Variants in MGAT5 observed in about 807,000 individuals in gnomAD.
MGAT5 encodes the protein alpha-1,6-mannosylglycoprotein 6-beta-N-acetylglucosaminyltransferase.
In MGAT5, 30 loss-of-function variants were observed where a neutral mutation model predicts 94.3. The ratio of observed to expected loss-of-function variants is 0.32; its 90% CI spans 0.24 to 0.43. The LOEUF is 0.43. Ranked by LOEUF, MGAT5 falls within the 20% of genes least tolerant of loss-of-function variation. MGAT5 has a pLI of 1.00. For synonymous variants in MGAT5, 310 were observed against 322.9 expected, an observed-to-expected ratio of 0.96 and a Z score of 0.43; for missense variants, 691 against 905.5, an observed-to-expected ratio of 0.76 and a Z score of 3.04.
intron 12 of MGAT5, among the ~76,000 whole-genome samples, chr2:134,420,073 C>T (rs1159719587): frequency 3.3e-5 from 5 of 152,226 alleles, no homozygotes; most frequent in African/African-American, 1.2e-4. Flanking sequence ...TAAAGACATC[C>T]TTTAAAATTG....
intron 1 of MGAT5, among the ~76,000 whole-genome samples, chr2:134,169,265 C>T (rs567365356): frequency 4.6e-5 from 7 of 152,142 alleles, no homozygotes; most frequent in South Asian, 2.1e-4. Flanking sequence ...CAAGGCCGGG[C>T]GCAGTGGCTT....
chr2:134,285,835 G>A (rs1031193485), intron 2 of MGAT5, among the ~76,000 whole-genome samples: 4 of 152,026 alleles, frequency 2.6e-5, no homozygotes, highest in South Asian at 2.1e-4. Context: ...CAACCCCTCC[G>A]CTACATGGCT....
chr2:134,411,193 G>A (rs1056860953), intron 11 of MGAT5, among the ~76,000 whole-genome samples: 7 of 152,270 alleles, frequency 4.6e-5, no homozygotes, highest in East Asian at 1.9e-4. Flanking sequence ...TGACAATCTC[G>A]TTTCTGTTAG....
intron 4 of MGAT5, among the ~76,000 whole-genome samples, chr2:134,334,456 G>C (rs941078656): frequency 1.9e-4 from 24 of 127,890 alleles, no homozygotes; most frequent in Admixed American, 8.6e-5. Context: ...TATTTACTTG[G>C]TGTAAGGTGT....
At chr2:134,348,298 T>C (rs138373884) in intron 8 of MGAT5, among the ~76,000 whole-genome samples, 133 of 152,300 alleles carry the variant, frequency 8.7e-4, no homozygotes, top group African/African-American at 3.1e-3. Flanking sequence ...ATATCTTTGA[T>C]GATACTGTGA....
At chr2:134,404,485 T>C (rs1683227841) in intron 11 of MGAT5, among the ~76,000 whole-genome samples, 1 of 152,232 alleles carries the variant, frequency 6.6e-6, no homozygotes, top group Non-Finnish European at 1.5e-5. Flanking sequence ...CACAGTAAAC[T>C]GGGGTCAAGT....
At chr2:134,320,907 C>T (rs184460257) in intron 4 of MGAT5, among the ~76,000 whole-genome samples, 15 of 152,194 alleles carry the variant, frequency 9.9e-5, no homozygotes, top group Non-Finnish European at 1.9e-4. Flanking sequence ...GGGTTCCAAC[C>T]GGGCTCCATG....
intron 1 of MGAT5, among the ~76,000 whole-genome samples, chr2:134,180,531 T>C (rs947971429): frequency 6.6e-6 from 1 of 152,174 alleles, no homozygotes; most frequent in Non-Finnish European, 1.5e-5. Context: ...AAATAAAAAC[T>C]GAGGTCTTGG....
At chr2:134,252,093 CCA>C, upstream of MGAT5, among the ~76,000 whole-genome samples, 1 of 152,236 alleles carries the variant, frequency 6.6e-6, no homozygotes, top group Admixed American at 6.5e-5. Context: ...GAATAGTATT[CCA>C]TTGTCAGAGA....
At chr2:134,363,194 T>C (rs1680211843) in intron 10 of MGAT5, among the ~76,000 whole-genome samples, 1 of 152,234 alleles carries the variant, frequency 6.6e-6, no homozygotes, top group Non-Finnish European at 1.5e-5. Context: ...TCTTCCTAAA[T>C]GTAAGAATTC....
chr2:134,145,532 C>T (rs966744077), intron 1 of MGAT5, among the ~76,000 whole-genome samples: 7 of 152,100 alleles, frequency 4.6e-5, no homozygotes, highest in African/African-American at 1.2e-4. Flanking sequence ...GGCGACAGAG[C>T]GAGACTCCGT....
intron 2 of MGAT5, among the ~76,000 whole-genome samples, chr2:134,290,935 G>T (rs184639539): frequency 6.6e-6 from 1 of 152,156 alleles, no homozygotes; most frequent in African/African-American, 2.4e-5. Flanking sequence ...TGCTTATTGC[G>T]TGTCTTCTAG....
In MGAT5 at chr2:134,329,875, A is replaced by G. The variant is rs368332399; in HGVS notation, c.574-6342A>G. On this transcript the variant is annotated intron_variant, in intron 4 of 15. Coordinates refer to ENST00000281923, the MANE Select transcript of MGAT5 (RefSeq NM_002410.5). Reference sequence around the variant, plus strand: ...GCAGAGAACTAGCCTAGAAAGCTGAACCACTTACCACTTACATGAGTAGAC... The same window carrying G: ...GCAGAGAACTAGCCTAGAAAGCTGAGCCACTTACCACTTACATGAGTAGAC... Among the ~76,000 whole-genome samples the G allele has an allele frequency of 1.2e-4, 19 of 152,268 alleles. No individual in the cohort carries two copies. The East Asian group carries it at 1.7e-3, about 14-fold the overall frequency.
intron 13 of MGAT5, 72 bp downstream of exon 13, chr2:134,422,991 C>T (rs1306705745): frequency 8.9e-7 from 1 of 1,122,318 alleles, no homozygotes; most frequent in East Asian, 2.4e-5. Context: ...CATCATAGGT[C>T]CTTGTTTTTA....
chr2:134,173,364 A>G (rs1688312666), intron 1 of MGAT5, among the ~76,000 whole-genome samples: 1 of 152,218 alleles, frequency 6.6e-6, no homozygotes, highest in African/African-American at 2.4e-5. Context: ...AGCTGGGGAT[A>G]GTAGGCTGGC....
chr2:134,356,080 A>G (rs1679719594), intron 9 of MGAT5, among the ~76,000 whole-genome samples: 1 of 152,200 alleles, frequency 6.6e-6, no homozygotes, highest in Non-Finnish European at 1.5e-5. Context: ...GTATGTGTTA[A>G]GTACCTGCAA....
At chr2:134,204,295 G>T (rs1026096707) in intron 1 of MGAT5, among the ~76,000 whole-genome samples, 1 of 152,114 alleles carries the variant, frequency 6.6e-6, no homozygotes, top group Non-Finnish European at 1.5e-5. Flanking sequence ...TACTGCTGTT[G>T]GATTTCTTAA....
intron 10 of MGAT5, among the ~76,000 whole-genome samples, chr2:134,396,299 C>T (rs949559551): frequency 2.0e-5 from 3 of 152,256 alleles, no homozygotes; most frequent in African/African-American, 2.4e-5. Context: ...TAAATTTTTT[C>T]GGCTACACTG....
chr2:134,381,175 ATGG>A (rs1681517761), intron 10 of MGAT5, among the ~76,000 whole-genome samples: 1 of 152,112 alleles, frequency 6.6e-6, no homozygotes, highest in African/African-American at 2.4e-5. Flanking sequence ...ATAGCTGGGT[ATGG>A]TGGTGTGTTC....
Sources: gnomAD v4.1 joint callset for allele counts (sites outside exome capture counted in the v4.1 genomes callset) on GRCh38, gnomAD v4.1.1 for gene constraint, MANE v1.5 for transcripts, NCBI Gene and HGNC (gene_info 2026-07-23, HGNC 2026-07-21) for gene names.